Variants in FGFR2 observed in about 807,000 individuals in gnomAD.
FGFR2 encodes the protein fibroblast growth factor receptor 2.
In FGFR2, 19 loss-of-function variants were observed where a neutral mutation model predicts 95.9. The ratio of observed to expected loss-of-function variants is 0.20; its 90% CI spans 0.14 to 0.29. FGFR2 has a LOEUF of 0.29. Among genes scored for constraint, FGFR2 ranks in the 10% least tolerant of loss-of-function variants. The probability of loss-of-function intolerance (pLI) is 1.00; values close to 1 mark genes in which losing one functional copy is unlikely to be tolerated. For synonymous variants in FGFR2, 392 were observed against 393.3 expected, an observed-to-expected ratio of 1.00 and a Z score of 0.04; for missense variants, 707 against 1,056.9, an observed-to-expected ratio of 0.67 and a Z score of 4.59.
rs1349506717 is a variant in FGFR2 at position 121,518,812 on chromosome 10, A to G, written c.939+1167T>C. 4 of 1,614,122 alleles carry G rather than the reference A, an allele frequency of 2.5e-6. No individual in the cohort carries two copies. The Admixed American group carries it at 6.7e-5, about 27-fold the overall frequency. On this transcript the variant is annotated intron_variant, in intron 7 of 17. Transcript: ENST00000358487. This position sits in a 1 kb window ranked among gnomAD's most constrained non-coding sequence, Gnocchi z 4.0. ...ACAGAGCCAGCACTTCTGCATTGGAACTATTTATCCCCGAGTGCTAGAACA... is the reference window on the plus strand; with the variant it reads ...ACAGAGCCAGCACTTCTGCATTGGAGCTATTTATCCCCGAGTGCTAGAACA...
chr10:121,482,147 A>G (rs1308953408), intron 17 of FGFR2: 6 of 1,612,048 alleles, frequency 3.7e-6, no homozygotes, highest in Non-Finnish European at 5.1e-6. Flanking sequence ...AACTTTTCCC[A>G]GTTTCTCAAT....
rs371596204 is a variant in FGFR2, at chr10:121,487,376, C to T, written c.2035G>A (p.Val679Ile). The T allele has an allele frequency of 6.2e-7, 1 of 1,613,960 alleles. No homozygotes were observed. The highest frequency in any genetic ancestry group is 1.3e-5 in the African/African-American group (1 of 74,946). Residue 679 changes from valine (V) to isoleucine (I), a missense_variant, in exon 15 of 18, where the codon GTA (valine) becomes ATA (isoleucine). By Grantham distance (29) the Val-to-Ile change is conservative. This residue lies in a region of FGFR2 where 104 missense variants were observed against 214.2 expected (regional missense o/e 0.49). Coordinates refer to ENST00000358487, the MANE Select transcript of FGFR2 (RefSeq NM_000141.5). ...CACACATCACTCTGATGAGTGTATA[C>T]TCTATCAAACAGGGCTTCTGGAGCC... ...WMAPEALFDRVYTHQSDVWSF... is the reference protein window; with the variant it reads ...WMAPEALFDRIYTHQSDVWSF...
At chr10:121,551,889 C>T (rs1355887638) in intron 4 of FGFR2, among the ~76,000 whole-genome samples, 2 of 152,062 alleles carry the variant, frequency 1.3e-5, no homozygotes, top group South Asian at 2.1e-4. Context: ...AAGTTGTTCT[C>T]AAAAGCCCTA....
chr10:121,544,036 C>A (rs77690191), intron 5 of FGFR2, among the ~76,000 whole-genome samples: 1,901 of 152,268 alleles, frequency 0.012, 50 homozygotes, highest in African/African-American at 0.043. Context: ...TAGGTATATA[C>A]CAGAGAAACT....
intron 13 of FGFR2, among the ~76,000 whole-genome samples, chr10:121,491,694 C>G (rs562454253): frequency 1.3e-5 from 2 of 151,912 alleles, no homozygotes; most frequent in East Asian, 3.9e-4. Flanking sequence ...CACAGCGAAA[C>G]CCCATCTCTA....
At chr10:121,537,015 C>T (rs1463516813) in intron 6 of FGFR2, among the ~76,000 whole-genome samples, 1 of 152,214 alleles carries the variant, frequency 6.6e-6, no homozygotes, top group African/African-American at 2.4e-5. Context: ...AATGGATTTA[C>T]AGTGTATCAA....
intron 9 of FGFR2, among the ~76,000 whole-genome samples, chr10:121,507,195 A>C (rs1457578393): frequency 6.6e-6 from 1 of 152,218 alleles, no homozygotes; most frequent in Non-Finnish European, 1.5e-5. Context: ...CTGTGCGGTC[A>C]GATTGTCAGG....
chr10:121,526,481 G>A (rs959160707), intron 6 of FGFR2, among the ~76,000 whole-genome samples: 1 of 152,232 alleles, frequency 6.6e-6, no homozygotes, highest in South Asian at 2.1e-4. Flanking sequence ...ACGCACTCAA[G>A]CCTGACAGGC....
chr10:121,532,689 T>C (rs922157630), intron 6 of FGFR2, among the ~76,000 whole-genome samples: 5 of 152,114 alleles, frequency 3.3e-5, no homozygotes, highest in Admixed American at 3.3e-4. Context: ...AGTCAACAAT[T>C]TCAGCCATTC....
chr10:121,513,616 C>A (rs2134201077), intron 9 of FGFR2, among the ~76,000 whole-genome samples: 1 of 152,226 alleles, frequency 6.6e-6, no homozygotes, highest in Middle Eastern at 3.4e-3. Flanking sequence ...GGACTGGACT[C>A]TTCTAGAAAC....
intron 2 of FGFR2, among the ~76,000 whole-genome samples, chr10:121,586,903 C>T (rs576770167): frequency 6.6e-6 from 1 of 152,226 alleles, no homozygotes; most frequent in Admixed American, 6.5e-5. Context: ...TCAATCAGAC[C>T]TCTCCTTAAA....
At chr10:121,581,926 T>TTG (rs1477411596) in intron 2 of FGFR2, among the ~76,000 whole-genome samples, 2 of 126,692 alleles carry the variant, frequency 1.6e-5, no homozygotes, top group African/African-American at 6.7e-5. Context: ...TTTGTTTATT[T>TTG]ATTTTGATTT....
At position 121,479,436 on chromosome 10, in the gene FGFR2, A is replaced by G. The variant is rs1844388442; in HGVS notation, c.*421T>C. On this transcript the variant is annotated 3_prime_UTR_variant, in exon 18 of 18. Coordinates refer to ENST00000358487, the MANE Select transcript of FGFR2 (RefSeq NM_000141.5). ...AAATAACTCCTTGTAAATATATAATATATATTTATACATAATTTGAATATA... is the reference window on the plus strand; with the variant it reads ...AAATAACTCCTTGTAAATATATAATGTATATTTATACATAATTTGAATATA... The G allele has an allele frequency of 1.8e-5, 7 of 388,990 alleles. No homozygotes were observed. The highest frequency in any genetic ancestry group is 1.8e-5 in the Non-Finnish European group (4 of 222,570). 24.1% of individuals were successfully genotyped at this position (388,990 alleles called of 1,614,324 possible).
intron 4 of FGFR2, among the ~76,000 whole-genome samples, chr10:121,555,199 C>T (rs895406574): frequency 1.3e-5 from 2 of 152,092 alleles, no homozygotes; most frequent in African/African-American, 4.8e-5. Context: ...ATGGTGAAAC[C>T]CCGTCTCCAC....
At chr10:121,515,783 A>T (rs891405496) in intron 8 of FGFR2, among the ~76,000 whole-genome samples, 1 of 151,112 alleles carries the variant, frequency 6.6e-6, no homozygotes, top group South Asian at 2.1e-4. Context: ...AAGACTCCAC[A>T]GGATAATTTA....
rs374423103 is a variant in FGFR2 at position 121,503,900 on chromosome 10, C to G, written c.1329G>C (p.Pro443=). 1 of 1,614,004 alleles carries G rather than the reference C, an allele frequency of 6.2e-7. No homozygotes were observed. Among genetic ancestry groups the G allele is most frequent in the Non-Finnish European group, 8.5e-7 (1 of 1,180,004 alleles). The part of the protein sequence containing the change: ...ESSSSMNSNT[P]LVRITTRLSS... Reference sequence around the variant, plus strand: ...AGAGGCGTGTTGTTATCCTCACCAGCGGGGTGTTGGAGTTCATGGAGGAGC... The same window carrying G: ...AGAGGCGTGTTGTTATCCTCACCAGGGGGGTGTTGGAGTTCATGGAGGAGC... The change falls in exon 10 of 18, where the codon CCG becomes CCC. Residue 443 remains proline (P), a synonymous_variant. Coordinates refer to ENST00000358487, the MANE Select transcript of FGFR2 (RefSeq NM_000141.5).
chr10:121,569,899 A>C (rs567910801), intron 2 of FGFR2, among the ~76,000 whole-genome samples: 1 of 152,208 alleles, frequency 6.6e-6, no homozygotes, highest in African/African-American at 2.4e-5. Context: ...ATCCCAGAAG[A>C]CTCTGCAAGC....
At chr10:121,556,115 TGGATGGATGGATGGACGGAC>T (rs1455892704) in intron 4 of FGFR2, among the ~76,000 whole-genome samples, 1 of 151,978 alleles carries the variant, frequency 6.6e-6, no homozygotes, top group Non-Finnish European at 1.5e-5. Context: ...GATGGATGGA[TGGATGGATGGATGGACGGAC>T]GGATGGATGG....
chr10:121,575,085 G>A lies in FGFR2; in HGVS notation c.110-9381C>T, dbSNP rs142087931. Reference sequence around the variant, plus strand: ...GCTCATGTTCCTAGTCATCAGATGGGATCATGGCTAATGTTTCCAATATGG... The same window carrying A: ...GCTCATGTTCCTAGTCATCAGATGGAATCATGGCTAATGTTTCCAATATGG... On this transcript the variant is annotated intron_variant, in intron 2 of 17. Transcript: ENST00000358487. Among the ~76,000 whole-genome samples the A allele has an allele frequency of 2.4e-4, 36 of 152,312 alleles. No homozygotes were observed. The East Asian group carries it at 5.8e-3, about 24-fold the overall frequency.
Sources: gnomAD v4.1 joint callset for allele counts (sites outside exome capture counted in the v4.1 genomes callset) on GRCh38, gnomAD v4.1.1 for gene constraint, gnomAD v4.1.1 regional missense constraint, Gnocchi (gnomAD v3.1) non-coding constraint, MANE v1.5 for transcripts, NCBI Gene and HGNC (gene_info 2026-07-23, HGNC 2026-07-21) for gene names.